The following CACNA1A variants were observed in gnomAD, a reference collection of about 807,000 sequenced individuals.
CACNA1A encodes calcium voltage-gated channel subunit alpha1 A.
A neutral mutation model predicts 262.4 loss-of-function variants in CACNA1A; 57 were observed. The ratio of observed to expected loss-of-function variants is 0.22; its 90% CI spans 0.18 to 0.27. CACNA1A has a LOEUF of 0.27. CACNA1A is among the 10% of genes least tolerant of loss of function. The pLI is 1.00. For missense variants in CACNA1A, 2,526 were observed against 3,562.8 expected (o/e 0.71, Z 7.41); for synonymous variants, 1,431 against 1,419.3 (o/e 1.01, Z -0.18).
chr19:13,321,282 C>T (rs1226056887), intron 10 of CACNA1A, among the ~76,000 whole-genome samples: 1 of 152,100 alleles, frequency 6.6e-6, no homozygotes, highest in African/African-American at 2.4e-5. Context: ...GATCTGCCCG[C>T]TGCAGCCTCC....
intron 30 of CACNA1A, among the ~76,000 whole-genome samples, chr19:13,247,683 G>C (rs2056280479): frequency 6.8e-6 from 1 of 147,086 alleles, no homozygotes; most frequent in Non-Finnish European, 1.5e-5. Context: ...CTGGGCCACA[G>C]AGCGAGACTC....
rs71170507 is a variant in CACNA1A, at chr19:13,402,873, CATATATATATATATATATAT to C, written c.540-31114_540-31095del. On this transcript the variant is annotated intron_variant, in intron 3 of 46. Coordinates refer to ENST00000360228, the MANE Select transcript of CACNA1A (RefSeq NM_001127222.2). Reference sequence around the variant, plus strand: ...ATATATATATACACACACACACACACATATATATATATATATATATATATATATATATATATATATATACT... The same window carrying C: ...ATATATATATACACACACACACACACATATATATATATATATATATATACT... Among the ~76,000 whole-genome samples, 452 of 72,822 alleles carry C rather than the reference CATATATATATATATATATAT, an allele frequency of 6.2e-3. 3 individuals carry two copies. The highest frequency in any genetic ancestry group is 8.6e-3 in the South Asian group (17 of 1,988). 47.8% of individuals were successfully genotyped at this position (72,822 alleles called of 152,430 possible).
intron 1 of CACNA1A, among the ~76,000 whole-genome samples, chr19:13,491,336 G>A (rs186023624): frequency 9.2e-5 from 14 of 152,258 alleles, no homozygotes; most frequent in African/African-American, 2.6e-4. Context: ...TAAACTGCCA[G>A]GGCAGTTCTA....
At chr19:13,340,296 A>G (rs2058655206) in intron 6 of CACNA1A, among the ~76,000 whole-genome samples, 1 of 152,146 alleles carries the variant, frequency 6.6e-6, no homozygotes, top group Non-Finnish European at 1.5e-5. Context: ...CATGCTACCC[A>G]GCACCACAAC....
chr19:13,488,022 C>T (rs1287052252), intron 1 of CACNA1A, among the ~76,000 whole-genome samples: 1 of 152,008 alleles, frequency 6.6e-6, no homozygotes, highest in African/African-American at 2.4e-5. Context: ...TCAAGCAATC[C>T]TCCCATTTCA....
At chr19:13,451,990 T>TTA (rs764670987) in intron 3 of CACNA1A, 2 of 152,038 alleles carry the variant, frequency 1.3e-5, no homozygotes, top group Non-Finnish European at 2.9e-5. Context: ...GCCTGGTTAA[T>TTA]TTTTATTTTA....
intron 30 of CACNA1A, among the ~76,000 whole-genome samples, chr19:13,245,898 C>CTGACCTCAAG (rs1357913135): frequency 2.6e-5 from 4 of 152,172 alleles, no homozygotes; most frequent in Non-Finnish European, 5.9e-5. Flanking sequence ...TCTCGAACTT[C>CTGACCTCAAG]TGACCTCAAG....
Position 13,397,222 on chromosome 19 carries a change from T to C in CACNA1A, c.540-25443A>G, listed in dbSNP as rs117484143. ...CAAAGTCTGGAGAAGCAGGATTTGA[T>C]TCTAGATTTCCCTACCTCAAGAGGG... On this transcript the variant is annotated intron_variant, in intron 3 of 46. Transcript: ENST00000360228. Among the ~76,000 whole-genome samples the C allele has an allele frequency of 1.4e-4, 22 of 152,284 alleles. 1 individual carries two copies. In the East Asian group the frequency reaches 4.2e-3, roughly 29 times the overall value.
chr19:13,345,679 G>C (rs922560419), intron 6 of CACNA1A, among the ~76,000 whole-genome samples: 1 of 152,034 alleles, frequency 6.6e-6, no homozygotes, highest in Non-Finnish European at 1.5e-5. Context: ...GAGAACACCC[G>C]TTTCTCCAGT....
chr19:13,440,445 C>T (rs77859477), intron 3 of CACNA1A, among the ~76,000 whole-genome samples: 1,618 of 152,292 alleles, frequency 0.011, 15 homozygotes, highest in Middle Eastern at 0.027. Flanking sequence ...TAATAGCAAA[C>T]GTTCCCTACA....
At chr19:13,409,026 T>TG (rs1056951161) in intron 3 of CACNA1A, among the ~76,000 whole-genome samples, 7 of 152,158 alleles carry the variant, frequency 4.6e-5, no homozygotes, top group East Asian at 1.9e-4. Context: ...GCCTGGCTCG[T>TG]GGGGGCCTTC....
intron 1 of CACNA1A, among the ~76,000 whole-genome samples, chr19:13,470,918 C>T (rs1160728161): frequency 6.6e-6 from 1 of 152,172 alleles, no homozygotes; most frequent in Non-Finnish European, 1.5e-5. Context: ...TGACAAATTG[C>T]CACAGATTGG....
intron 1 of CACNA1A, among the ~76,000 whole-genome samples, chr19:13,473,394 T>C (rs1314791706): frequency 6.6e-6 from 1 of 152,178 alleles, no homozygotes; most frequent in East Asian, 1.9e-4. Flanking sequence ...TACCAGAAAC[T>C]GGAAGAATCA....
Position 13,506,317 on chromosome 19 carries a change from G to T in CACNA1A, c.-93C>A. On this transcript the variant is annotated 5_prime_UTR_variant, in exon 1 of 47. Coordinates refer to ENST00000360228, the MANE Select transcript of CACNA1A (RefSeq NM_001127222.2). ...CGCCGCCGCTGATGCTGAGGCTGCC[G>T]GGGCTGGGAGCGCGGCGGCTGGAGC... The T allele has an allele frequency of 8.4e-7, 1 of 1,185,052 alleles. No individual in the cohort carries two copies. The highest frequency in any genetic ancestry group is 1.1e-6 in the Non-Finnish European group (1 of 905,106). 73.4% of individuals were successfully genotyped at this position (1,185,052 alleles called of 1,614,324 possible).
At chr19:13,232,203 T>C (rs2144631628) in intron 34 of CACNA1A, among the ~76,000 whole-genome samples, 2 of 148,540 alleles carry the variant, frequency 1.3e-5, no homozygotes, top group Middle Eastern at 6.9e-3. Context: ...TCTCTCTCTC[T>C]CTTTTTTTTT....
At chr19:13,392,030 CAAAAAAA>C (rs137905773) in intron 3 of CACNA1A, among the ~76,000 whole-genome samples, 4 of 84,724 alleles carry the variant, frequency 4.7e-5, no homozygotes, top group African/African-American at 1.5e-4. Context: ...GACCATGTCT[CAAAAAAA>C]AAAAAAAAAA....
In CACNA1A at chr19:13,294,487, CTTTTTTTTTTT is replaced by C. The variant is rs780908964; in HGVS notation, c.3089+4046_3089+4056del. On this transcript the variant is annotated intron_variant, in intron 19 of 46. Transcript: ENST00000360228. ...TACAGGTGCATACCACTGTACCTGG[CTTTTTTTTTTT>C]TTTTTTTTTTTTGAGACAGAGTCTT... is the stretch of plus-strand genomic sequence containing the variant. Among the ~76,000 whole-genome samples the C allele has an allele frequency of 5.5e-5, 4 of 72,556 alleles. 1 individual carries two copies. Among genetic ancestry groups the C allele is most frequent in the African/African-American group, 2.6e-4 (4 of 15,298 alleles). 47.6% of individuals were successfully genotyped at this position (72,556 alleles called of 152,430 possible). A position where few individuals can be genotyped will look rare whatever the true frequency, so the allele number is the denominator to read the frequency against.
chr19:13,408,404 G>A (rs182019496), intron 3 of CACNA1A, among the ~76,000 whole-genome samples: 73 of 152,140 alleles, frequency 4.8e-4, no homozygotes, highest in Non-Finnish European at 9.7e-4. Context: ...AAGAACTAAT[G>A]AATGAAGAAA....
chr19:13,465,803 A>G (rs1212889741), intron 1 of CACNA1A, among the ~76,000 whole-genome samples: 1 of 152,100 alleles, frequency 6.6e-6, no homozygotes, highest in East Asian at 1.9e-4. Flanking sequence ...CATATTTTTG[A>G]GGTTCATCTA....
Sources: gnomAD v4.1 joint callset for allele counts (sites outside exome capture counted in the v4.1 genomes callset) on GRCh38, gnomAD v4.1.1 for gene constraint, MANE v1.5 for transcripts, NCBI Gene and HGNC (gene_info 2026-07-23, HGNC 2026-07-21) for gene names.